ATP6V1B1: variants seen among roughly 807,000 people sequenced by gnomAD.
The protein encoded by ATP6V1B1 is V-type proton ATPase subunit B, kidney isoform.
Under a neutral mutation model 62.1 loss-of-function variants are expected in ATP6V1B1, and 41 were observed. That is an observed-to-expected ratio of 0.66 (90% CI 0.51 to 0.86). ATP6V1B1 has a LOEUF of 0.86. Ranked by LOEUF, ATP6V1B1 falls within the 40% of genes least tolerant of loss-of-function variation. The pLI is 0.00. For synonymous variants in ATP6V1B1, 253 were observed against 273.4 expected, an observed-to-expected ratio of 0.93 and a Z score of 0.74; for missense variants, 651 against 697.5, an observed-to-expected ratio of 0.93 and a Z score of 0.75.
At chr2:70,964,114 A>ATGTTTTTTT in intron 11 of ATP6V1B1, 3 of 123,588 alleles carry the variant, frequency 2.4e-5, no homozygotes, top group South Asian at 1.1e-4. Flanking sequence ...CTTGGCAGGT[A>ATGTTTTTTT]TTTTTTTTTT....
At chr2:70,943,747 G>C in intron 2 of ATP6V1B1, 34 bp downstream of exon 2, 1 of 1,611,908 alleles carries the variant, frequency 6.2e-7, no homozygotes, top group Non-Finnish European at 8.5e-7. Context: ...TGGCACTAAG[G>C]CCAAATCCCA....
At chr2:70,964,700 C>G (rs1278412521) in intron 12 of ATP6V1B1, 36 bp from the exon 13 acceptor site, 1 of 1,612,770 alleles carries the variant, frequency 6.2e-7, no homozygotes, top group African/African-American at 1.3e-5. Flanking sequence ...CCGTGGTAAG[C>G]CCGCAGCGGC....
Position 70,963,390 on chromosome 2 carries a change from T to C in ATP6V1B1, c.1060+78T>C. The stretch of plus-strand genomic sequence containing the variant: ...CAACCAGATACTTAAAGGGCCCACG[T>C]TGCTTTGCACAGATGTGCAGCAGCG... On this transcript the variant is annotated intron_variant, in intron 10 of 13. Transcript: ENST00000234396. The surrounding 1 kb of genome is among the most constrained non-coding windows in gnomAD (Gnocchi z 4.3). The C allele has an allele frequency of 6.2e-7, 1 of 1,606,926 alleles. No individual in the cohort carries two copies. The highest frequency in any genetic ancestry group is 1.1e-5 in the South Asian group (1 of 90,842).
chr2:70,945,601 A>G (rs1680139344), intron 2 of ATP6V1B1, among the ~76,000 whole-genome samples: 1 of 151,058 alleles, frequency 6.6e-6, no homozygotes, highest in South Asian at 2.1e-4. Context: ...GATACATATA[A>G]TGCATAGTGA....
Position 70,963,067 on chromosome 2 carries a change from C to T in ATP6V1B1, c.910-95C>T. The stretch of plus-strand genomic sequence containing the variant: ...CTGGCCATTCCTCCCCTGCCCCCCA[C>T]TCCATTTCTCACAGGGTCACTGAAC... On this transcript the variant is annotated intron_variant, in intron 9 of 13. Transcript: ENST00000234396. The surrounding 1 kb of genome is among the most constrained non-coding windows in gnomAD (Gnocchi z 4.3). 2 of 1,603,836 alleles carry T rather than the reference C, an allele frequency of 1.2e-6. No homozygotes were observed. Among genetic ancestry groups the T allele is most frequent in the Non-Finnish European group, 1.7e-6 (2 of 1,173,608 alleles).
Position 70,962,806 on chromosome 2 carries a change from C to G in ATP6V1B1, c.815C>G (p.Ala272Gly), listed in dbSNP as rs145735762. 4.6e-5 allele frequency: 75 copies of G among 1,613,990 alleles called. No individual in the cohort carries two copies. ...GAGCGGATCATCACCCCGCGCCTGG[C>G]GCTGACCACTGCTGAATTCCTTGCC... is the stretch of plus-strand genomic sequence containing the variant. ...TIERIITPRL[A>G]LTTAEFLAYQ... The change falls in exon 9 of 14, where the codon GCG becomes GGG. Residue 272 changes from alanine (A) to glycine (G), a missense_variant. Coordinates refer to ENST00000234396, the MANE Select transcript of ATP6V1B1 (RefSeq NM_001692.4).
chr2:70,940,507 C>A, intron 1 of ATP6V1B1: 4 of 985,432 alleles, frequency 4.1e-6, no homozygotes, highest in Non-Finnish European at 4.8e-6. Flanking sequence ...TTGCACAATC[C>A]ACTAGCAATC....
chr2:70,964,649 A>G lies in ATP6V1B1; in HGVS notation c.1249-87A>G, dbSNP rs1553420733. 3 of 1,612,366 alleles carry G rather than the reference A, an allele frequency of 1.9e-6. No individual in the cohort carries two copies. In the Admixed American group the frequency reaches 5.0e-5, roughly 27 times the overall value. On this transcript the variant is annotated intron_variant, in intron 12 of 13. Coordinates refer to ENST00000234396, the MANE Select transcript of ATP6V1B1 (RefSeq NM_001692.4). ...TTTCTCCTGGCAAAATTCCTTTCCG[A>G]ACGGGGTCCCAGTGTGGCCAGGTTG...
At chr2:70,964,114 ATTTTTTTT>A (rs66905923) in intron 11 of ATP6V1B1, 51 of 127,348 alleles carry the variant, frequency 4.0e-4, no homozygotes, top group Middle Eastern at 7.5e-3. Context: ...CTTGGCAGGT[ATTTTTTTT>A]TTTTTTTTTT....
At position 70,945,699 on chromosome 2, in the gene ATP6V1B1, GAGATATATATATATATATATATAT is replaced by G. The variant is rs1298844020; in HGVS notation, c.174+1988_174+2011del. ...AGTATCCTCTTTCTGGCTATTTGAA[GAGATATATATATATATATATATAT>G]ATATATATATATATATATAGTTGTT... On this transcript the variant is annotated intron_variant, in intron 2 of 13. Transcript: ENST00000234396. Among the ~76,000 whole-genome samples the G allele has an allele frequency of 5.8e-4, 41 of 70,114 alleles. 3 individuals are homozygous for G. The highest frequency in any genetic ancestry group is 9.5e-4 in the Admixed American group (5 of 5,256). The allele number at this position is 70,114 out of a possible 152,430, so 46.0% of individuals were successfully genotyped here. A position where few individuals can be genotyped will look rare whatever the true frequency, so the allele number is the denominator to read the frequency against.
chr2:70,943,437 TC>T, intron 1 of ATP6V1B1: 1 of 674,670 alleles, frequency 1.5e-6, no homozygotes, highest in Non-Finnish European at 2.7e-6. Context: ...TGCCTGGCCC[TC>T]CCCCAGCCTC....
At chr2:70,956,865 A>C (rs1330544704) in intron 2 of ATP6V1B1, among the ~76,000 whole-genome samples, 1 of 152,146 alleles carries the variant, frequency 6.6e-6, no homozygotes, top group Non-Finnish European at 1.5e-5. Flanking sequence ...GATTACAGGC[A>C]TGAACCACCT....
chr2:70,942,189 ACCT>A (rs1277393407), intron 1 of ATP6V1B1: 5 of 455,204 alleles, frequency 1.1e-5, no homozygotes, highest in African/African-American at 4.0e-5. Context: ...AAGCAGGGAC[ACCT>A]CCTTAGTGGG....
At chr2:70,951,428 T>C (rs1680320947) in intron 2 of ATP6V1B1, among the ~76,000 whole-genome samples, 1 of 152,208 alleles carries the variant, frequency 6.6e-6, no homozygotes, top group South Asian at 2.1e-4. Flanking sequence ...AGCTGATAAA[T>C]TGGAATGTAG....
At chr2:70,941,795 GC>G in intron 1 of ATP6V1B1, 1 of 985,724 alleles carries the variant, frequency 1.0e-6, no homozygotes, top group Non-Finnish European at 1.2e-6. Flanking sequence ...AAGTCCTCCA[GC>G]ACCCAAAGGT....
At position 70,956,231 on chromosome 2, in the gene ATP6V1B1, C is replaced by G. The variant is rs116238374; in HGVS notation, c.175-1815C>G. On this transcript the variant is annotated intron_variant, in intron 2 of 13. Transcript: ENST00000234396. ...CCACCATAGGTTTTCTCCTCTCCAT[C>G]CATTTTGTTCTTATGAAATCCTCCT... 6.3e-3 allele frequency: 1,372 copies of G among 217,702 alleles called. 29 individuals carry two copies. Among genetic ancestry groups the G allele is most frequent in the African/African-American group, 0.03 (1,280 of 42,766 alleles). 13.5% of individuals were successfully genotyped at this position (217,702 alleles called of 1,614,324 possible).
rs781783326 is a variant in ATP6V1B1, at chr2:70,958,122, C to T, written c.251C>T (p.Ala84Val). 1.9e-5 allele frequency: 31 copies of T among 1,614,128 alleles called. 1 individual carries two copies. In the South Asian group the frequency reaches 3.4e-4, roughly 18 times the overall value. Residue 84 changes from alanine to valine, a missense_variant, in exon 3 of 14, where the codon GCT becomes GTT. Transcript: ENST00000234396. ...TQRSGQVLEV[A>V]GTKAIVQVFE... ...AGGAGCGGGCAGGTGCTTGAGGTGG[C>T]TGGCACCAAGGCGATTGTTCAGGTG... is the stretch of plus-strand genomic sequence containing the variant.
chr2:70,951,450 T>TC (rs1476272826), intron 2 of ATP6V1B1, among the ~76,000 whole-genome samples: 2 of 152,150 alleles, frequency 1.3e-5, no homozygotes, highest in Non-Finnish European at 2.9e-5. Context: ...ATTTTTTTTT[T>TC]CACTCCAGTA....
chr2:70,963,061 C>T lies in ATP6V1B1; in HGVS notation c.910-101C>T. The T allele has an allele frequency of 6.2e-7, 1 of 1,601,730 alleles. No homozygotes were observed. Among genetic ancestry groups the T allele is most frequent in the Non-Finnish European group, 8.5e-7 (1 of 1,172,416 alleles). ...CTCAGCCTGGCCATTCCTCCCCTGC[C>T]CCCCACTCCATTTCTCACAGGGTCA... On this transcript the variant is annotated intron_variant, in intron 9 of 13. Transcript: ENST00000234396. The surrounding 1 kb of genome is among the most constrained non-coding windows in gnomAD (Gnocchi z 4.3).
Sources: allele counts gnomAD v4.1 joint callset (sites outside exome capture counted in the v4.1 genomes callset), GRCh38; gene constraint gnomAD v4.1.1; non-coding constraint Gnocchi (gnomAD v3.1); transcripts MANE v1.5; gene names NCBI Gene and HGNC (gene_info 2026-07-23, HGNC 2026-07-21).